The following FERRY3 variants were observed in gnomAD, a reference collection of about 807,000 sequenced individuals.
The protein encoded by FERRY3 is protein C12orf4.
the FERRY3 span, chr12:4,491,100 T>C: frequency 7.5e-7 from 1 of 1,328,216 alleles, no homozygotes; most frequent in Non-Finnish European, 1.1e-6. Flanking sequence ...TTTCACATTC[T>C]CTCTTCTGGG....
At chr12:4,500,485 C>A in the FERRY3 span, 2 of 675,852 alleles carry the variant, frequency 3.0e-6, no homozygotes. Context: ...CAGGAAGCAA[C>A]TGTGATTACT....
the FERRY3 span, among the ~76,000 whole-genome samples, chr12:4,504,184 T>C: frequency 6.6e-6 from 1 of 152,136 alleles, no homozygotes; most frequent in Non-Finnish European, 1.5e-5. Context: ...TTGGCTTAGG[T>C]TAAATGTAAT....
the FERRY3 span, among the ~76,000 whole-genome samples, chr12:4,509,621 C>A: frequency 2.1e-5 from 3 of 143,122 alleles, no homozygotes; most frequent in African/African-American, 5.7e-5. Context: ...CTGGGAGGCA[C>A]CCCCCGGCAG....
At chr12:4,524,041 T>C in the FERRY3 span, among the ~76,000 whole-genome samples, 508 of 152,264 alleles carry the variant, frequency 3.3e-3, 1 homozygote, top group Non-Finnish European at 4.9e-3. Flanking sequence ...AACTTTTTTT[T>C]TTTTAAGAGT....
At chr12:4,492,842 T>C in the FERRY3 span, among the ~76,000 whole-genome samples, 1 of 152,246 alleles carries the variant, frequency 6.6e-6, no homozygotes, top group African/African-American at 2.4e-5. Context: ...ACACATAATA[T>C]GTAAGCCTTT....
chr12:4,528,939 A>AC, the FERRY3 span, among the ~76,000 whole-genome samples: 522 of 124,454 alleles, frequency 4.2e-3, 3 homozygotes, highest in African/African-American at 0.013. Flanking sequence ...ACACACACAC[A>AC]AACAAAAGTG....
the FERRY3 span, chr12:4,518,093 T>C: frequency 4.3e-6 from 7 of 1,613,642 alleles, no homozygotes; most frequent in Non-Finnish European, 5.9e-6. Flanking sequence ...AATTCGATTA[T>C]CTACTAGTAA....
chr12:4,514,087 C>T, the FERRY3 span, among the ~76,000 whole-genome samples: 10,926 of 149,850 alleles, frequency 0.073, 540 homozygotes, highest in Non-Finnish European at 0.11. Flanking sequence ...GGGCAAAGGA[C>T]ATGAACAGAC....
At chr12:4,503,445 T>G in the FERRY3 span, among the ~76,000 whole-genome samples, 1 of 152,224 alleles carries the variant, frequency 6.6e-6, no homozygotes, top group Non-Finnish European at 1.5e-5. Context: ...CTGTAAATAC[T>G]TAGATCATTA....
chr12:4,525,428 C>CA, the FERRY3 span: 12 of 1,594,496 alleles, frequency 7.5e-6, no homozygotes, highest in African/African-American at 1.4e-5. Flanking sequence ...AACAAACAAA[C>CA]AAAAAAACAA....
At chr12:4,503,005 A>G in the FERRY3 span, among the ~76,000 whole-genome samples, 7 of 152,210 alleles carry the variant, frequency 4.6e-5, no homozygotes, top group Non-Finnish European at 7.3e-5. Context: ...TGATAAGACA[A>G]TATCCTTCTG....
chr12:4,532,663 A>G, the FERRY3 span, among the ~76,000 whole-genome samples: 1 of 152,180 alleles, frequency 6.6e-6, no homozygotes, highest in Non-Finnish European at 1.5e-5. Flanking sequence ...ATCCCCAGGT[A>G]ATTGATATTT....
the FERRY3 span, among the ~76,000 whole-genome samples, chr12:4,514,208 C>T: frequency 6.6e-6 from 1 of 150,560 alleles, no homozygotes; most frequent in East Asian, 1.9e-4. Context: ...CCATCTCACA[C>T]CAGTTAAAAT....
the FERRY3 span, among the ~76,000 whole-genome samples, chr12:4,530,363 G>T: frequency 2.0e-5 from 3 of 152,126 alleles, no homozygotes; most frequent in Non-Finnish European, 4.4e-5. Flanking sequence ...TCATTTCTGT[G>T]AAATCACACA....
chr12:4,530,038 G>A, the FERRY3 span: 1 of 1,611,272 alleles, frequency 6.2e-7, no homozygotes, highest in Non-Finnish European at 8.5e-7. Flanking sequence ...GGCCTTGCAT[G>A]CTCTAACGTG....
chr12:4,524,514 G>GA, the FERRY3 span, among the ~76,000 whole-genome samples: 53 of 121,464 alleles, frequency 4.4e-4, no homozygotes, highest in Admixed American at 7.4e-4. Context: ...GGTACACAAC[G>GA]AAAAAAAAAA....
At chr12:4,528,590 T>C in the FERRY3 span, among the ~76,000 whole-genome samples, 63 of 152,224 alleles carry the variant, frequency 4.1e-4, no homozygotes, top group African/African-American at 1.5e-3. Context: ...AAAGAGATCA[T>C]TCTAATATTT....
the FERRY3 span, chr12:4,490,395 T>C: frequency 4.5e-6 from 3 of 659,484 alleles, no homozygotes; most frequent in South Asian, 7.2e-5. Context: ...ACTTCTCTCC[T>C]TAAAAAACAG....
At chr12:4,490,010 C>A in the FERRY3 span, 4 of 667,234 alleles carry the variant, frequency 6.0e-6, no homozygotes, top group Non-Finnish European at 9.8e-6. Flanking sequence ...TATGTGAGTG[C>A]AGTAGGTGAA....
Sources: gnomAD v4.1 joint callset for allele counts (sites outside exome capture counted in the v4.1 genomes callset) on GRCh38, gnomAD v4.1.1 for gene constraint, MANE v1.5 for transcripts, NCBI Gene and HGNC (gene_info 2026-07-23, HGNC 2026-07-21) for gene names.